The following RRP36 variants were observed in gnomAD, a reference collection of about 807,000 sequenced individuals.
RRP36 encodes ribosomal RNA processing 36.
In RRP36, 44 loss-of-function variants were observed where a neutral mutation model predicts 39.8. The ratio of observed to expected loss-of-function variants is 1.10; its 90% confidence interval spans 0.87 to 1.42. The LOEUF (loss-of-function observed/expected upper bound fraction) is 1.42, where lower values mean the gene tolerates loss of function less well. Ranked by LOEUF, RRP36 falls within the 40% of genes most tolerant of loss-of-function variation. The pLI, the probability that RRP36 is intolerant of heterozygous loss-of-function variation, is 0.00. For missense variants in RRP36, 316 were observed against 322.4 expected (o/e 0.98, Z 0.15); for synonymous variants, 124 against 123.1 (o/e 1.01, Z -0.05).
chr6:43,022,383 C>A (rs573886992), intron 1 of RRP36, among the ~76,000 whole-genome samples: 2 of 152,152 alleles, frequency 1.3e-5, no homozygotes, highest in Non-Finnish European at 2.9e-5. Context: ...CAGGCGTGAG[C>A]CACTGCGCCC....
intron 3 of RRP36, among the ~76,000 whole-genome samples, chr6:43,025,794 G>C (rs111861343): frequency 6.6e-5 from 10 of 151,824 alleles, no homozygotes; most frequent in Non-Finnish European, 1.2e-4. Flanking sequence ...ATAGCCGGGC[G>C]TGGTGGCGGG....
chr6:43,022,894 G>C (rs901644479), intron 1 of RRP36, among the ~76,000 whole-genome samples: 1 of 152,002 alleles, frequency 6.6e-6, no homozygotes, highest in Non-Finnish European at 1.5e-5. Context: ...GCCTCCCAAA[G>C]TGCTGGGATT....
intron 3 of RRP36, 69 bp downstream of exon 3, chr6:43,025,398 G>A (rs1357310529): frequency 1.0e-5 from 14 of 1,338,226 alleles, no homozygotes; most frequent in South Asian, 3.6e-5. Context: ...CGAGGTGGGC[G>A]ATCACCTGAG....
chr6:43,026,332 C>T (rs1389312249), intron 4 of RRP36, among the ~76,000 whole-genome samples, 191 bp downstream of exon 4: 2 of 152,120 alleles, frequency 1.3e-5, no homozygotes, highest in Non-Finnish European at 2.9e-5. Flanking sequence ...CTTAATCTCT[C>T]TATGCTTTAG....
At chr6:43,026,608 G>A (rs1762816440) in intron 4 of RRP36, among the ~76,000 whole-genome samples, 1 of 152,154 alleles carries the variant, frequency 6.6e-6, no homozygotes, top group East Asian at 1.9e-4. Context: ...TGGAGACAAA[G>A]GTTGCAGTGA....
At chr6:43,024,717 A>G (rs565599968) in intron 1 of RRP36, among the ~76,000 whole-genome samples, 1 of 152,248 alleles carries the variant, frequency 6.6e-6, no homozygotes, top group Admixed American at 6.5e-5. Context: ...AGAGAGAGTA[A>G]AAGAATGAGT....
In RRP36 at chr6:43,029,252, C is replaced by G. The variant is rs1444471469; in HGVS notation, c.*24C>G. The stretch of plus-strand genomic sequence containing the variant: ...AATAAGGAACTATCCTCTGCTCTGC[C>G]ACTGCCCCAGGGAGACATGGATCTG... On this transcript the variant is annotated 3_prime_UTR_variant, in exon 7 of 7. Coordinates refer to ENST00000244496, the MANE Select transcript of RRP36 (RefSeq NM_033112.4). 1 of 1,612,088 alleles carries G rather than the reference C, an allele frequency of 6.2e-7. No homozygotes were observed. Among genetic ancestry groups the G allele is most frequent in the Non-Finnish European group, 8.5e-7 (1 of 1,178,482 alleles).
At chr6:43,022,324 T>A (rs1762732123) in intron 1 of RRP36, among the ~76,000 whole-genome samples, 2 of 152,020 alleles carry the variant, frequency 1.3e-5, no homozygotes, top group Admixed American at 6.5e-5. Flanking sequence ...GGTCTCGATC[T>A]CCTGACCTCG....
chr6:43,024,003 C>A (rs1202178929), intron 1 of RRP36, among the ~76,000 whole-genome samples: 1 of 151,670 alleles, frequency 6.6e-6, no homozygotes, highest in Non-Finnish European at 1.5e-5. Context: ...ATTACAGGCA[C>A]CTGCCATCAT....
In RRP36 at chr6:43,027,478, G is replaced by A. The variant is rs1762835167; in HGVS notation, c.643+1G>A. The A allele has an allele frequency of 6.2e-7, 1 of 1,612,460 alleles. No homozygotes were observed. Among genetic ancestry groups the A allele is most frequent in the Admixed American group, 1.7e-5 (1 of 59,954 alleles). On this transcript the variant is annotated splice_donor_variant, in intron 6 of 6. Transcript: ENST00000244496. LOFTEE classifies it high-confidence loss of function. Reference sequence around the variant, plus strand: ...CATCGGCCATACTTCCTGAAAAAATGTGAGTTGGGCACAACTGTTGCTAAC... The same window carrying A: ...CATCGGCCATACTTCCTGAAAAAATATGAGTTGGGCACAACTGTTGCTAAC...
At position 43,027,454 on chromosome 6, in the gene RRP36, A is replaced by G; in HGVS notation, c.620A>G (p.His207Arg). Residue 207 changes from histidine to arginine, a missense_variant, in exon 6 of 7, where the codon CAT (histidine) becomes CGT (arginine). By Grantham distance (29) the His-to-Arg change is conservative. Transcript: ENST00000244496. ...CGTCGGGCTCAGGCCCAGCAGGGCC[A>G]TCGGCCATACTTCCTGAAAAAATGT... ...QERRAQAQQGHRPYFLKKSEQ... is the reference protein window; with the variant it reads ...QERRAQAQQGRRPYFLKKSEQ... 6 of 1,614,046 alleles carry G rather than the reference A, an allele frequency of 3.7e-6. No homozygotes were observed. Among genetic ancestry groups the G allele is most frequent in the Non-Finnish European group, 5.1e-6 (6 of 1,179,962 alleles).
intron 3 of RRP36, among the ~76,000 whole-genome samples, chr6:43,025,726 T>C (rs906146120): frequency 1.3e-5 from 2 of 151,004 alleles, no homozygotes; most frequent in South Asian, 2.1e-4. Flanking sequence ...GGTCAGGAGA[T>C]TGAGACCATC....
chr6:43,028,993 C>A, intron 6 of RRP36, 99 bp from the exon 7 acceptor site: 1 of 1,483,938 alleles, frequency 6.7e-7, no homozygotes, highest in South Asian at 1.3e-5. Context: ...TTAAAGAACT[C>A]ATGTATCCAG....
Position 43,025,117 on chromosome 6 carries a change from T to C in RRP36, c.263T>C (p.Val88Ala). ...ASRPPIQNAC[V>A]ADKHRPLEMS... ...AGACCACCTATCCAAAATGCATGTG[T>C]TGCAGATAAGCACAGGTAAGCAAGG... The change falls in exon 2 of 7, where the codon GTT (valine) becomes GCT (alanine). Residue 88 changes from valine (V) to alanine (A), a missense_variant. Transcript: ENST00000244496. 1 of 1,614,194 alleles carries C rather than the reference T, an allele frequency of 6.2e-7. No individual in the cohort carries two copies. The highest frequency in any genetic ancestry group is 8.5e-7 in the Non-Finnish European group (1 of 1,180,032).
Position 43,027,234 on chromosome 6 carries a change from G to C in RRP36, c.507G>C (p.Gln169His), listed in dbSNP as rs138000931. The C allele has an allele frequency of 3.8e-5, 61 of 1,614,108 alleles. No homozygotes were observed. Among genetic ancestry groups the C allele is most frequent in the Admixed American group, 3.3e-5 (2 of 60,004 alleles). ...CAGGAGAGGAGCATGAGAAACTGCA[G>C]CAACTGCTTCAGCGAATGGTGAGTG... ...HLSGEEHEKL[Q>H]QLLQRMEQQE... The change falls in exon 5 of 7, where the codon CAG becomes CAC. Residue 169 changes from glutamine to histidine, a missense_variant. By Grantham distance (24) the Gln-to-His change is conservative. Coordinates refer to ENST00000244496, the MANE Select transcript of RRP36 (RefSeq NM_033112.4).
intron 5 of RRP36, 52 bp downstream of exon 5, chr6:43,027,304 T>A (rs1295105104): frequency 6.2e-7 from 1 of 1,611,838 alleles, no homozygotes; most frequent in Non-Finnish European, 8.5e-7. Flanking sequence ...AGGTGGGAGA[T>A]ATTCACAGAT....
intron 1 of RRP36, among the ~76,000 whole-genome samples, chr6:43,024,066 C>G (rs532045919): frequency 6.6e-6 from 1 of 152,106 alleles, no homozygotes; most frequent in African/African-American, 2.4e-5. Flanking sequence ...GTTGACCGGG[C>G]TGGTCTTAAA....
intron 1 of RRP36, 109 bp from the exon 2 acceptor site, chr6:43,024,875 TG>T (rs1224120577): frequency 7.8e-7 from 1 of 1,284,746 alleles, no homozygotes; most frequent in Non-Finnish European, 1.1e-6. Flanking sequence ...TAATAATGAT[TG>T]GTCTGATGGG....
chr6:43,024,961 G>T lies in RRP36; in HGVS notation c.131-24G>T, dbSNP rs1278852833. On this transcript the variant is annotated intron_variant, in intron 1 of 6. Transcript: ENST00000244496. ...GCAGTGGGACATGCTGAGCTGAGTT[G>T]TATGTCCCTCCCCACTTCCACAGGC... is the stretch of plus-strand genomic sequence containing the variant. 3 of 1,612,356 alleles carry T rather than the reference G, an allele frequency of 1.9e-6. No homozygotes were observed. In the Admixed American group the frequency reaches 5.0e-5, roughly 27 times the overall value.
Sources: allele counts gnomAD v4.1 joint callset (sites outside exome capture counted in the v4.1 genomes callset), GRCh38; gene constraint gnomAD v4.1.1; transcripts MANE v1.5; gene names NCBI Gene and HGNC (gene_info 2026-07-23, HGNC 2026-07-21).